The following ALKBH1 variants were observed in gnomAD, a reference collection of about 807,000 sequenced individuals.
ALKBH1 encodes alkB homolog 1, histone H2A dioxygenase, also known as nucleic acid dioxygenase ALKBH1.
In ALKBH1, 31 loss-of-function variants were observed where a neutral mutation model predicts 36.6. The ratio of observed to expected loss-of-function variants is 0.85; its 90% confidence interval spans 0.64 to 1.14. The LOEUF (loss-of-function observed/expected upper bound fraction) is 1.14, where lower values mean the gene tolerates loss of function less well. Ranked by LOEUF, ALKBH1 falls within the 50% of genes most tolerant of loss-of-function variation. The pLI is 0.00. For missense variants in ALKBH1, 490 were observed against 497.3 expected (o/e 0.99, Z 0.14); for synonymous variants, 183 against 186.6 (o/e 0.98, Z 0.16).
chr14:77,682,936 G>T (rs964110618), intron 3 of ALKBH1, among the ~76,000 whole-genome samples: 12 of 151,964 alleles, frequency 7.9e-5, no homozygotes, highest in Non-Finnish European at 1.5e-4. Context: ...ACCTCAGGTG[G>T]TCCACCCGCC....
intron 3 of ALKBH1, among the ~76,000 whole-genome samples, chr14:77,689,643 G>T (rs776524044): frequency 6.6e-5 from 10 of 152,158 alleles, no homozygotes; most frequent in South Asian, 6.2e-4. Context: ...GGAGACAGGG[G>T]TAGATAACTC....
intron 3 of ALKBH1, among the ~76,000 whole-genome samples, chr14:77,691,426 T>C (rs1430200603): frequency 1.3e-5 from 2 of 152,150 alleles, no homozygotes; most frequent in Non-Finnish European, 2.9e-5. Context: ...CAACAGACTC[T>C]CTCCTGTTCT....
chr14:77,705,950 G>A (rs1021423372), intron 1 of ALKBH1, among the ~76,000 whole-genome samples: 1 of 152,112 alleles, frequency 6.6e-6, no homozygotes, highest in South Asian at 2.1e-4. Context: ...AGCTACTTGG[G>A]AGGCTGAAGC....
intron 1 of ALKBH1, among the ~76,000 whole-genome samples, chr14:77,705,065 T>C (rs1204076994): frequency 6.6e-6 from 1 of 152,142 alleles, no homozygotes; most frequent in East Asian, 1.9e-4. Context: ...GACACTTGTA[T>C]AGAGTTGGTA....
At chr14:77,674,350 ATATT>A (rs1259754109) in intron 5 of ALKBH1, 109 bp from the exon 6 acceptor site, 1 of 1,229,110 alleles carries the variant, frequency 8.1e-7, no homozygotes, top group African/African-American at 1.5e-5. Flanking sequence ...TTTCAGGTTG[ATATT>A]TATTGCTCCC....
At chr14:77,684,587 TG>T (rs1374296839) in intron 3 of ALKBH1, among the ~76,000 whole-genome samples, 17 of 152,132 alleles carry the variant, frequency 1.1e-4, no homozygotes, top group African/African-American at 3.9e-4. Context: ...TTTCGAATTC[TG>T]GACCTCAGGT....
At chr14:77,676,122 A>C (rs536335349) in intron 4 of ALKBH1, among the ~76,000 whole-genome samples, 2 of 151,270 alleles carry the variant, frequency 1.3e-5, no homozygotes, top group East Asian at 3.9e-4. Context: ...TAGTCTCCCA[A>C]GTAGGTAGGA....
In ALKBH1 at chr14:77,704,444, T is replaced by C; in HGVS notation, c.217A>G (p.Ser73Gly). ...IKSQLNVSSV[S>G]EQNAYRAGLQ... is the part of the protein sequence containing the mutation. Reference sequence around the variant, plus strand: ...CCTGCTCTATATGCATTCTGCTCACTGACAGAAGACACATTTAGCTGAGAT... The same window carrying C: ...CCTGCTCTATATGCATTCTGCTCACCGACAGAAGACACATTTAGCTGAGAT... The change falls in exon 2 of 6, where the codon AGT becomes GGT. Residue 73 changes from serine to glycine, a missense_variant. Ser to Gly is a moderately conservative substitution (Grantham distance 56). Coordinates refer to ENST00000216489, the MANE Select transcript of ALKBH1 (RefSeq NM_006020.3). The C allele has an allele frequency of 6.2e-7, 1 of 1,614,160 alleles. No homozygotes were observed. Among genetic ancestry groups the C allele is most frequent in the East Asian group, 2.2e-5 (1 of 44,886 alleles).
At chr14:77,691,332 T>C (rs1324174449) in intron 3 of ALKBH1, among the ~76,000 whole-genome samples, 4 of 152,228 alleles carry the variant, frequency 2.6e-5, no homozygotes, top group Non-Finnish European at 5.9e-5. Flanking sequence ...AAAAGGATCT[T>C]AGAGGTCCTT....
intron 4 of ALKBH1, 144 bp from the exon 5 acceptor site, chr14:77,675,993 CTTTTCTTTTT>C: frequency 1.5e-6 from 1 of 685,092 alleles, no homozygotes; most frequent in Non-Finnish European, 2.3e-6. Flanking sequence ...CCATTCTTTT[CTTTTCTTTTT>C]TTTTTTTTTT....
intron 3 of ALKBH1, chr14:77,683,152 T>G: frequency 1.4e-5 from 1 of 71,248 alleles, no homozygotes. Flanking sequence ...GTAAAGTCTT[T>G]TTTTTTTTTT....
At chr14:77,677,118 C>T (rs1414712514) in intron 4 of ALKBH1, among the ~76,000 whole-genome samples, 1 of 152,018 alleles carries the variant, frequency 6.6e-6, no homozygotes, top group Non-Finnish European at 1.5e-5. Context: ...CTGCTCACTG[C>T]AACCTCTGCC....
At chr14:77,692,640 C>T (rs754555234) in intron 3 of ALKBH1, among the ~76,000 whole-genome samples, 2 of 152,008 alleles carry the variant, frequency 1.3e-5, no homozygotes, top group Non-Finnish European at 2.9e-5. Context: ...AAACCTTTAC[C>T]ATCTGGCCCA....
At chr14:77,697,923 G>A (rs2080337075) in intron 2 of ALKBH1, among the ~76,000 whole-genome samples, 1 of 152,048 alleles carries the variant, frequency 6.6e-6, no homozygotes, top group African/African-American at 2.4e-5. Flanking sequence ...TAAGGTGGGA[G>A]GATCGCTTGA....
chr14:77,696,676 A>G (rs17825464), intron 2 of ALKBH1: 3,959 of 152,416 alleles, frequency 0.026, 77 homozygotes, highest in Middle Eastern at 0.051. Flanking sequence ...CAGGGACTTT[A>G]CCCTCATGAG....
chr14:77,675,342 G>A (rs1049279092), intron 5 of ALKBH1, among the ~76,000 whole-genome samples: 8 of 152,002 alleles, frequency 5.3e-5, no homozygotes, highest in Admixed American at 6.6e-5. Flanking sequence ...GCTAAGGCAG[G>A]AGAATCACTT....
chr14:77,677,453 T>C (rs2267756), intron 4 of ALKBH1, among the ~76,000 whole-genome samples: 71,407 of 152,038 alleles, frequency 0.47, 17,014 homozygotes, highest in African/African-American at 0.5. Context: ...ATTTGGGCTA[T>C]ATGTACCTGA....
At chr14:77,704,114 G>A (rs1595060430) in intron 2 of ALKBH1, among the ~76,000 whole-genome samples, 1 of 152,292 alleles carries the variant, frequency 6.6e-6, no homozygotes, top group Non-Finnish European at 1.5e-5. Context: ...GGAGCCCAGA[G>A]GCAATGTCCT....
intron 2 of ALKBH1, among the ~76,000 whole-genome samples, chr14:77,703,593 C>CT (rs200488919): frequency 0.081 from 9,083 of 112,544 alleles, 621 homozygotes; most frequent in African/African-American, 0.12. Context: ...CTGCGTCCAG[C>CT]TTTTTTTTTT....
Sources: gnomAD v4.1 joint callset for allele counts (sites outside exome capture counted in the v4.1 genomes callset) on GRCh38, gnomAD v4.1.1 for gene constraint, MANE v1.5 for transcripts, NCBI Gene and HGNC (gene_info 2026-07-23, HGNC 2026-07-21) for gene names.